PTK2: variants seen among roughly 807,000 people sequenced by gnomAD.
The protein encoded by PTK2 is protein tyrosine kinase 2.
A neutral mutation model predicts 150.1 loss-of-function variants in PTK2; 45 were observed. The observed-to-expected ratio is 0.30, with a 90% confidence interval of 0.24 to 0.38. The LOEUF is 0.38. Among genes scored for constraint, PTK2 ranks in the 10% least tolerant of loss-of-function variants. The pLI is 1.00. For synonymous variants in PTK2, 432 were observed against 449.2 expected (o/e 0.96, Z 0.48); for missense variants, 919 against 1,307.3 (o/e 0.70, Z 4.58).
At chr8:140,976,965 G>A (rs1465593834) in intron 1 of PTK2, among the ~76,000 whole-genome samples, 1 of 151,872 alleles carries the variant, frequency 6.6e-6, no homozygotes, top group Non-Finnish European at 1.5e-5. Flanking sequence ...AATGTCACAA[G>A]ATACAATGAA....
intron 7 of PTK2, among the ~76,000 whole-genome samples, chr8:140,833,388 C>T (rs773351791): frequency 8.5e-5 from 13 of 152,280 alleles, no homozygotes; most frequent in South Asian, 2.1e-4. Flanking sequence ...AATTTAATCT[C>T]GAAATCAAAC....
chr8:140,834,465 A>C (rs542308069), intron 7 of PTK2, among the ~76,000 whole-genome samples: 1 of 152,276 alleles, frequency 6.6e-6, no homozygotes, highest in African/African-American at 2.4e-5. Flanking sequence ...TCTAAGTATT[A>C]CCTTTCCTAC....
At chr8:140,902,890 T>C (rs1405693778) in intron 2 of PTK2, among the ~76,000 whole-genome samples, 1 of 150,270 alleles carries the variant, frequency 6.7e-6, no homozygotes, top group Non-Finnish European at 1.5e-5. Flanking sequence ...TTTTCTCCCA[T>C]TCTGTAGGTT....
intron 10 of PTK2, among the ~76,000 whole-genome samples, chr8:140,806,664 AGT>A (rs2154600772): frequency 6.6e-6 from 1 of 152,252 alleles, no homozygotes; most frequent in South Asian, 2.1e-4. Flanking sequence ...ACTTGTATGG[AGT>A]GGCTTCTGAT....
At chr8:140,733,062 G>A (rs1254402214) in intron 22 of PTK2, among the ~76,000 whole-genome samples, 1 of 152,176 alleles carries the variant, frequency 6.6e-6, no homozygotes, top group Admixed American at 6.5e-5. Context: ...TTTTGACCAG[G>A]GGAGTTATTT....
intron 23 of PTK2, among the ~76,000 whole-genome samples, chr8:140,706,547 T>C (rs1438876280): frequency 2.6e-5 from 4 of 152,184 alleles, no homozygotes; most frequent in African/African-American, 9.7e-5. Context: ...AGCTCATGCC[T>C]GTAATCCCAG....
intron 16 of PTK2, among the ~76,000 whole-genome samples, chr8:140,758,512 A>C (rs2100067232): frequency 6.6e-6 from 1 of 152,202 alleles, no homozygotes; most frequent in Admixed American, 6.5e-5. Context: ...ATCTCCATGC[A>C]CATTACTGCC....
intron 5 of PTK2, among the ~76,000 whole-genome samples, chr8:140,848,406 T>C (rs1371014880): frequency 6.6e-6 from 1 of 152,214 alleles, no homozygotes; most frequent in Non-Finnish European, 1.5e-5. Context: ...CTTTATTTTC[T>C]GCATTAGCAT....
intron 7 of PTK2, chr8:140,832,840 C>T (rs2100116297): frequency 1.9e-6 from 1 of 518,736 alleles, no homozygotes; most frequent in South Asian, 1.4e-5. Flanking sequence ...CGTGCACGCC[C>T]TTCTAGTAGG....
chr8:140,859,141 G>A (rs2154605423), intron 5 of PTK2, among the ~76,000 whole-genome samples: 1 of 152,236 alleles, frequency 6.6e-6, no homozygotes, highest in Admixed American at 6.5e-5. Flanking sequence ...GTCTATGGGA[G>A]AACTTAAGGT....
chr8:140,809,562 T>A (rs553538483), intron 10 of PTK2, among the ~76,000 whole-genome samples: 91 of 152,310 alleles, frequency 6.0e-4, no homozygotes, highest in African/African-American at 2.1e-3. Flanking sequence ...CTCAGCACTT[T>A]GGGAGGCTGG....
At chr8:140,786,915 TAAG>T (rs2100085304) in intron 14 of PTK2, among the ~76,000 whole-genome samples, 1 of 151,698 alleles carries the variant, frequency 6.6e-6, no homozygotes, top group African/African-American at 2.4e-5. Flanking sequence ...ACAACAGAGA[TAAG>T]GAGGATGGGA....
intron 1 of PTK2, among the ~76,000 whole-genome samples, chr8:140,977,570 C>T (rs548346326): frequency 1.5e-4 from 22 of 150,376 alleles, no homozygotes; most frequent in East Asian, 7.8e-4. Flanking sequence ...TGCAGTGAGA[C>T]GAGACAGCAC....
At chr8:140,907,150 G>C (rs1170730192) in intron 2 of PTK2, among the ~76,000 whole-genome samples, 1 of 152,124 alleles carries the variant, frequency 6.6e-6, no homozygotes, top group Non-Finnish European at 1.5e-5. Context: ...ATTTATATTA[G>C]ACATTCCAAC....
intron 1 of PTK2, among the ~76,000 whole-genome samples, chr8:140,997,662 G>C (rs1419741661): frequency 6.6e-6 from 1 of 152,220 alleles, no homozygotes; most frequent in East Asian, 1.9e-4. Flanking sequence ...ACATTAGCTG[G>C]GCACAGTGAC....
At chr8:140,837,797 A>T (rs746119296) in intron 7 of PTK2, among the ~76,000 whole-genome samples, 21 of 151,880 alleles carry the variant, frequency 1.4e-4, no homozygotes, top group Non-Finnish European at 2.1e-4. Flanking sequence ...GGTGGCTTAC[A>T]CCTGTAATCC....
intron 1 of PTK2, among the ~76,000 whole-genome samples, chr8:140,991,870 G>C (rs1417531580): frequency 2.7e-5 from 4 of 150,178 alleles, no homozygotes; most frequent in South Asian, 4.1e-4. Flanking sequence ...TCAGCTAGGC[G>C]TAGTGGCATG....
At chr8:140,846,358 AT>A in intron 6 of PTK2, 36 bp from the exon 7 acceptor site, 1 of 1,575,186 alleles carries the variant, frequency 6.3e-7, no homozygotes, top group Non-Finnish European at 8.7e-7. Flanking sequence ...ATATGTATAT[AT>A]AAGGAATGTT....
exon 32 of PTK2, chr8:140,658,184 A>C (rs373622174): frequency 7.2e-5 from 11 of 153,630 alleles, no homozygotes; most frequent in African/African-American, 1.9e-4. Context: ...TGCATTTAAT[A>C]GGTGACGATG....
Sources: allele counts gnomAD v4.1 joint callset (sites outside exome capture counted in the v4.1 genomes callset), GRCh38; gene constraint gnomAD v4.1.1; transcripts MANE v1.5; gene names NCBI Gene and HGNC (gene_info 2026-07-23, HGNC 2026-07-21).